The following EPSTI1 variants were observed in gnomAD, a reference collection of about 807,000 sequenced individuals.
EPSTI1 encodes epithelial stromal interaction 1.
Under a neutral mutation model 49.9 loss-of-function variants are expected in EPSTI1, and 66 were observed. That is an observed-to-expected ratio of 1.32 (90% CI 1.08 to 1.62). The LOEUF (loss-of-function observed/expected upper bound fraction) is 1.62, where lower values mean the gene tolerates loss of function less well. Ranked by LOEUF, EPSTI1 falls within the 40% of genes most tolerant of loss-of-function variation. The probability of loss-of-function intolerance (pLI) is 0.00; values close to 1 mark genes in which losing one functional copy is unlikely to be tolerated. For synonymous variants in EPSTI1, 137 were observed against 130.7 expected, an observed-to-expected ratio of 1.05 and a Z score of -0.33; for missense variants, 394 against 365.5, an observed-to-expected ratio of 1.08 and a Z score of -0.64.
chr13:42,893,185 CAG>C (rs1441998894), intron 10 of EPSTI1, among the ~76,000 whole-genome samples: 1 of 152,142 alleles, frequency 6.6e-6, no homozygotes, highest in Non-Finnish European at 1.5e-5. Flanking sequence ...GACAGAGAAA[CAG>C]GGCAGTAGCA....
chr13:42,900,673 T>C (rs185926890), intron 8 of EPSTI1, among the ~76,000 whole-genome samples: 6 of 151,886 alleles, frequency 4.0e-5, no homozygotes, highest in South Asian at 2.1e-4. Context: ...AAAAATACAA[T>C]GTAAGTCAAA....
chr13:42,919,417 C>T (rs1281594247), intron 7 of EPSTI1: 2 of 1,215,086 alleles, frequency 1.6e-6, no homozygotes, highest in African/African-American at 1.5e-5. Context: ...ACTGTATTCA[C>T]ATAATTTGTC....
chr13:42,947,717 G>C (rs114145718), intron 6 of EPSTI1, among the ~76,000 whole-genome samples: 1 of 152,108 alleles, frequency 6.6e-6, no homozygotes, highest in African/African-American at 2.4e-5. Flanking sequence ...TTCCTATGAC[G>C]TACACAGATC....
intron 9 of EPSTI1, 50 bp from the exon 10 acceptor site, chr13:42,895,158 G>GA: frequency 7.0e-7 from 1 of 1,423,588 alleles, no homozygotes; most frequent in South Asian, 1.2e-5. Flanking sequence ...CTGCAGGGCT[G>GA]AGAGATTTCT....
Position 42,888,038 on chromosome 13 carries a change from C to A in EPSTI1, c.*456G>T. 2.4e-6 allele frequency: 1 copy of A among 410,326 alleles called. No individual in the cohort carries two copies. The highest frequency in any genetic ancestry group is 4.3e-6 in the Non-Finnish European group (1 of 234,670). The allele number at this position is 410,326 out of a possible 1,614,324, so 25.4% of individuals were successfully genotyped here. A position where few individuals can be genotyped will look rare whatever the true frequency, so the allele number is the denominator to read the frequency against. ...AAATTTGTGTAAAAGAATATAAGAC[C>A]TTTTTCTTTTGTACATATTTGTACC... On this transcript the variant is annotated 3_prime_UTR_variant, in exon 11 of 11. Coordinates refer to ENST00000313624, the MANE Select transcript of EPSTI1 (RefSeq NM_033255.5).
chr13:42,947,969 C>T (rs552297206), intron 6 of EPSTI1, among the ~76,000 whole-genome samples: 12 of 152,344 alleles, frequency 7.9e-5, no homozygotes, highest in Non-Finnish European at 1.6e-4. Context: ...GAGTGGTCAC[C>T]CCAGGCCCCG....
At chr13:42,980,766 C>T (rs2039973697) in intron 1 of EPSTI1, among the ~76,000 whole-genome samples, 1 of 139,652 alleles carries the variant, frequency 7.2e-6, no homozygotes, top group Non-Finnish European at 1.6e-5. Flanking sequence ...GATTTCTTTA[C>T]ACTAAACTCT....
chr13:42,939,554 G>A (rs142553019), intron 6 of EPSTI1, among the ~76,000 whole-genome samples: 11 of 152,284 alleles, frequency 7.2e-5, no homozygotes, highest in African/African-American at 2.6e-4. Context: ...AGATAGACAG[G>A]GGAATAGCCA....
At position 42,917,607 on chromosome 13, in the gene EPSTI1, G is replaced by C. The variant is rs369471861; in HGVS notation, c.675C>G (p.Tyr225Ter). 1.2e-5 allele frequency: 13 copies of C among 1,071,540 alleles called. No individual in the cohort carries two copies. Among genetic ancestry groups the C allele is most frequent in the South Asian group, 6.1e-5 (5 of 82,198 alleles). The allele number at this position is 1,071,540 out of a possible 1,614,324, so 66.4% of individuals were successfully genotyped here. A position where few individuals can be genotyped will look rare whatever the true frequency, so the allele number is the denominator to read the frequency against. ...TTTCTTCTGCCTTTAGAGAATCTCT[G>C]TAAGCCCAGCTTCTGGCCTGTAAAG... ...QSSTWARSWAYRDSLKAEENR... is the reference protein window; with the variant it reads ...QSSTWARSWA The change falls in exon 8 of 11, where the codon TAC (tyrosine) becomes TAG (stop). Residue 225 changes from tyrosine to a stop codon, truncating the protein, a stop_gained. Coordinates refer to ENST00000313624, the MANE Select transcript of EPSTI1 (RefSeq NM_033255.5). LOFTEE classifies it high-confidence loss of function.
intron 10 of EPSTI1, among the ~76,000 whole-genome samples, chr13:42,892,002 A>AG: frequency 6.6e-6 from 1 of 152,378 alleles, no homozygotes; most frequent in South Asian, 2.1e-4. Context: ...TAGGATGCCA[A>AG]GGTAATCTCA....
chr13:42,973,987 C>G (rs2039821844), intron 1 of EPSTI1, among the ~76,000 whole-genome samples: 1 of 152,150 alleles, frequency 6.6e-6, no homozygotes, highest in South Asian at 2.1e-4. Context: ...TATGAAAGAA[C>G]AGACAAGATA....
At position 42,970,680 on chromosome 13, in the gene EPSTI1, A is replaced by G. The variant is rs1165772511; in HGVS notation, c.189-10T>C. The G allele has an allele frequency of 6.3e-7, 1 of 1,583,672 alleles. No homozygotes were observed. The highest frequency in any genetic ancestry group is 1.2e-5 in the South Asian group (1 of 86,098). On this transcript the variant is annotated splice_polypyrimidine_tract_variant and intron_variant, in intron 1 of 10. Coordinates refer to ENST00000313624, the MANE Select transcript of EPSTI1 (RefSeq NM_033255.5). ...GGTGTATGCACTTGTGCTAAAAGGA[A>G]GAGAAAAAAAAATGCTTATTACCAT...
chr13:42,892,063 A>G (rs1273318277), intron 10 of EPSTI1, among the ~76,000 whole-genome samples: 1 of 152,250 alleles, frequency 6.6e-6, no homozygotes, highest in East Asian at 1.9e-4. Flanking sequence ...AACCATATGG[A>G]TATTTTGGAG....
chr13:42,926,090 T>C (rs2038167878), intron 7 of EPSTI1, among the ~76,000 whole-genome samples: 1 of 85,020 alleles, frequency 1.2e-5, no homozygotes, highest in Non-Finnish European at 2.6e-5. Flanking sequence ...GGTGGATGGG[T>C]GGGTGAATGA....
At chr13:42,982,716 C>A (rs568610172) in intron 1 of EPSTI1, among the ~76,000 whole-genome samples, 1 of 152,326 alleles carries the variant, frequency 6.6e-6, no homozygotes, top group South Asian at 2.1e-4. Context: ...AAATATAGCA[C>A]CTTGGTATTT....
At chr13:42,908,449 G>A (rs188132543) in intron 8 of EPSTI1, among the ~76,000 whole-genome samples, 82 of 143,094 alleles carry the variant, frequency 5.7e-4, no homozygotes, top group African/African-American at 2.1e-3. Flanking sequence ...TGGTGCCACT[G>A]CACTCCAGCC....
intron 9 of EPSTI1, among the ~76,000 whole-genome samples, chr13:42,896,305 T>C (rs1178557471): frequency 1.3e-5 from 2 of 152,166 alleles, no homozygotes; most frequent in East Asian, 3.8e-4. Context: ...TCTGAATCTC[T>C]CAGCATGCAG....
At chr13:42,940,160 T>C (rs915195967) in intron 6 of EPSTI1, among the ~76,000 whole-genome samples, 2 of 152,190 alleles carry the variant, frequency 1.3e-5, no homozygotes, top group Admixed American at 6.5e-5. Context: ...AACTTCGTCA[T>C]CTCTTTTTTT....
At chr13:42,928,380 C>T (rs3803248) in intron 6 of EPSTI1, among the ~76,000 whole-genome samples, 96,896 of 151,872 alleles carry the variant, frequency 0.64, 31,172 homozygotes, top group Non-Finnish European at 0.69. Flanking sequence ...GAGGGGCAAA[C>T]GAAGGAAAAC....
Sources: allele counts gnomAD v4.1 joint callset (sites outside exome capture counted in the v4.1 genomes callset), GRCh38; gene constraint gnomAD v4.1.1; transcripts MANE v1.5; gene names NCBI Gene and HGNC (gene_info 2026-07-23, HGNC 2026-07-21).